The following C5 variants were observed in gnomAD, a reference collection of about 807,000 sequenced individuals.
C5 encodes C3 and PZP-like alpha-2-macroglobulin domain-containing protein 4.
In C5, 140 loss-of-function variants were observed where a neutral mutation model predicts 218.8. The ratio of observed to expected loss-of-function variants is 0.64; its 90% CI spans 0.56 to 0.74. The LOEUF is 0.74. C5 is among the 30% of genes least tolerant of loss of function. The pLI, the probability that C5 is intolerant of heterozygous loss-of-function variation, is 0.00. For synonymous variants in C5, 614 were observed against 682.3 expected (o/e 0.90, Z 1.56); for missense variants, 1,700 against 1,969.6 (o/e 0.86, Z 2.59).
intron 20 of C5, among the ~76,000 whole-genome samples, chr9:121,004,445 T>C (rs934486810): frequency 1.3e-5 from 2 of 152,076 alleles, no homozygotes; most frequent in African/African-American, 4.8e-5. Context: ...TATGAATTCA[T>C]TGAGGAAAAG....
At position 121,006,068 on chromosome 9, in the gene C5, A is replaced by G; in HGVS notation, c.2423-10T>C. 2 of 1,613,454 alleles carry G rather than the reference A, an allele frequency of 1.2e-6. No homozygotes were observed. Among genetic ancestry groups the G allele is most frequent in the Non-Finnish European group, 1.7e-6 (2 of 1,179,518 alleles). ...TCAGCAACACATATACCTTCAGCCC[A>G]AAGTGGAAGCAAAGTAGAATCATAT... is the stretch of plus-strand genomic sequence containing the variant. On this transcript the variant is annotated splice_polypyrimidine_tract_variant and intron_variant, in intron 19 of 40. Transcript: ENST00000223642.
intron 1 of C5, among the ~76,000 whole-genome samples, chr9:121,047,455 AC>A (rs1231660615): frequency 5.3e-5 from 8 of 152,200 alleles, no homozygotes; most frequent in Non-Finnish European, 1.2e-4. Flanking sequence ...AGTGTATATC[AC>A]AAGAGTATCT....
At chr9:121,038,481 T>C (rs912905232) in intron 3 of C5, among the ~76,000 whole-genome samples, 8 of 152,242 alleles carry the variant, frequency 5.3e-5, no homozygotes, top group Non-Finnish European at 1.0e-4. Context: ...TTTTGTTCTA[T>C]TTATTGAGCC....
intron 8 of C5, 55 bp from the exon 9 acceptor site, chr9:121,025,635 A>C: frequency 1.3e-6 from 2 of 1,552,280 alleles, no homozygotes; most frequent in South Asian, 1.1e-5. Context: ...TATAAGGAAA[A>C]ATTAATAAAA....
chr9:120,976,122 C>G (rs543434461), intron 29 of C5, among the ~76,000 whole-genome samples: 1 of 152,262 alleles, frequency 6.6e-6, no homozygotes, highest in African/African-American at 2.4e-5. Flanking sequence ...TAAATATACA[C>G]ACTCCATCAT....
chr9:121,018,967 C>T (rs963263315), intron 12 of C5, among the ~76,000 whole-genome samples: 1 of 152,072 alleles, frequency 6.6e-6, no homozygotes, highest in African/African-American at 2.4e-5. Flanking sequence ...CAAAATCACA[C>T]AACTAGTAAA....
chr9:121,027,390 A>G (rs1445659493), intron 7 of C5, 116 bp from the exon 8 acceptor site: 1 of 673,378 alleles, frequency 1.5e-6, no homozygotes, highest in East Asian at 2.8e-5. Flanking sequence ...AGTGTCTTTC[A>G]TCCTAAGCAA....
chr9:121,033,388 C>G (rs1396472906), intron 5 of C5, among the ~76,000 whole-genome samples: 1 of 152,186 alleles, frequency 6.6e-6, no homozygotes, highest in African/African-American at 2.4e-5. Flanking sequence ...TACATTACAT[C>G]ATGCATCCAG....
At chr9:121,032,991 ACT>A (rs2047489275) in intron 5 of C5, among the ~76,000 whole-genome samples, 1 of 149,118 alleles carries the variant, frequency 6.7e-6, no homozygotes, top group Non-Finnish European at 1.5e-5. Context: ...ACAGAGTGAG[ACT>A]CTGTTTCAAA....
chr9:120,958,994 C>T (rs2046806435), intron 38 of C5, among the ~76,000 whole-genome samples: 1 of 152,062 alleles, frequency 6.6e-6, no homozygotes, highest in African/African-American at 2.4e-5. Flanking sequence ...GCCATGTTGC[C>T]CAGGCTGGTC....
Position 120,962,907 on chromosome 9 carries a change from G to A in C5, c.4384C>T (p.Leu1462=). ...GTGGAGCTTACCGAATTCAGTTGCA[G>A]AATAACATGTCCATCTTTGATTTGG... The part of the protein sequence containing the change: ...DYQIKDGHVI[L]QLNSIPSSDF... Residue 1462 remains leucine (L), a synonymous_variant, in exon 35 of 41, where the codon CTG becomes TTG. Coordinates refer to ENST00000223642, the MANE Select transcript of C5 (RefSeq NM_001735.3). 1 of 1,613,934 alleles carries A rather than the reference G, an allele frequency of 6.2e-7. No individual in the cohort carries two copies. The highest frequency in any genetic ancestry group is 8.5e-7 in the Non-Finnish European group (1 of 1,179,802).
intron 25 of C5, among the ~76,000 whole-genome samples, chr9:120,987,130 C>T (rs568418018): frequency 6.6e-6 from 1 of 152,258 alleles, no homozygotes; most frequent in East Asian, 1.9e-4. Context: ...ATGAATTTGG[C>T]ACATATTGTG....
the C5 span, among the ~76,000 whole-genome samples, chr9:121,067,388 C>T: frequency 6.6e-6 from 1 of 151,808 alleles, no homozygotes; most frequent in Non-Finnish European, 1.5e-5. Flanking sequence ...TGGTGAAACC[C>T]TGTCTCTACT....
rs750833998 is a variant in C5 at position 121,017,762 on chromosome 9, T to C, written c.1597A>G (p.Asn533Asp). The change falls in exon 13 of 41, where the codon AAC becomes GAC. Residue 533 changes from asparagine to aspartate, a missense_variant. Asn to Asp is a conservative substitution (Grantham distance 23). Coordinates refer to ENST00000223642, the MANE Select transcript of C5 (RefSeq NM_001735.3). Reference sequence around the variant, plus strand: ...AGAAGTCGGGATGAAGGAACCATGTTCTGTGTTACTGGAATGTTTATACTT... The same window carrying C: ...AGAAGTCGGGATGAAGGAACCATGTCCTGTGTTACTGGAATGTTTATACTT... ...YQSINIPVTQ[N>D]MVPSSRLLVY... 1.2e-6 allele frequency: 2 copies of C among 1,613,240 alleles called. No individual in the cohort carries two copies. The highest frequency in any genetic ancestry group is 3.3e-5 in the Admixed American group (2 of 60,024).
At chr9:121,069,143 C>A in the C5 span, among the ~76,000 whole-genome samples, 1 of 152,084 alleles carries the variant, frequency 6.6e-6, no homozygotes. Context: ...CAAAAATAAA[C>A]ATATGGGATT....
the C5 span, among the ~76,000 whole-genome samples, chr9:121,067,519 G>A: frequency 2.0e-5 from 3 of 150,988 alleles, no homozygotes; most frequent in East Asian, 1.9e-4. Flanking sequence ...AGCCGAGATC[G>A]CGCCACTGCA....
rs2047298548 is a variant in C5 at position 121,015,339 on chromosome 9, T to C, written c.1997-78A>G. On this transcript the variant is annotated intron_variant, in intron 15 of 40. Transcript: ENST00000223642. Reference sequence around the variant, plus strand: ...TCAAAAAAAAATTCCATGAAACTATTTAAGTATTTAGAGCCTTCACAAGTC... The same window carrying C: ...TCAAAAAAAAATTCCATGAAACTATCTAAGTATTTAGAGCCTTCACAAGTC... 4.2e-6 allele frequency: 4 copies of C among 945,530 alleles called. No individual in the cohort carries two copies. In the African/African-American group the frequency reaches 6.5e-5, roughly 15 times the overall value. The allele number at this position is 945,530 out of a possible 1,614,324, so 58.6% of individuals were successfully genotyped here.
At chr9:121,007,245 A>T (rs1337133540) in intron 18 of C5, among the ~76,000 whole-genome samples, 2 of 152,088 alleles carry the variant, frequency 1.3e-5, no homozygotes, top group Admixed American at 6.5e-5. Context: ...ATCCAAGCAC[A>T]CAAACAAAGA....
upstream of C5, among the ~76,000 whole-genome samples, chr9:121,050,649 T>C (rs1000863351): frequency 6.6e-6 from 1 of 152,204 alleles, no homozygotes; most frequent in Non-Finnish European, 1.5e-5. Context: ...AAGACCCACC[T>C]GGACTCAGTT....
Sources: gnomAD v4.1 joint callset for allele counts (sites outside exome capture counted in the v4.1 genomes callset) on GRCh38, gnomAD v4.1.1 for gene constraint, MANE v1.5 for transcripts, NCBI Gene and HGNC (gene_info 2026-07-23, HGNC 2026-07-21) for gene names.